The following SCIN variants were observed in gnomAD, a reference collection of about 807,000 sequenced individuals.
SCIN encodes adseverin.
SCIN carries 91 observed loss-of-function variants against 91.8 expected under a neutral mutation model. The observed-to-expected ratio is 0.99, with a 90% CI of 0.84 to 1.18. The LOEUF (loss-of-function observed/expected upper bound fraction) is 1.18. SCIN is among the 50% of genes most tolerant of loss of function. SCIN has a pLI of 0.00. For missense variants in SCIN, 1,087 were observed against 863.9 expected (o/e 1.26, Z -3.24); for synonymous variants, 367 against 312.6 (o/e 1.17, Z -1.84).
In SCIN at chr7:12,642,791, C is replaced by G. The variant is rs1443697608; in HGVS notation, c.1582-1347C>G. ...ACACTTACAATGGTTTCTTCCTAAT[C>G]TATCGGCCACTCCTCTCGGGCTAGT... On this transcript the variant is annotated intron_variant, in intron 11 of 15. Transcript: ENST00000297029. 3.3e-5 allele frequency among the ~76,000 whole-genome samples: 5 copies of G among 152,022 alleles called. 1 individual carries two copies. The South Asian group carries it at 1.0e-3, about 32-fold the overall frequency.
chr7:12,653,384 A>T lies in SCIN; in HGVS notation c.*669A>T, dbSNP rs1784120866. ...TCAGAGTTGTTTTTTAACATGCCAG[A>T]GAAAAAGTTGTAATGCCTTGGAAGT... On this transcript the variant is annotated 3_prime_UTR_variant, in exon 16 of 16. Coordinates refer to ENST00000297029, the MANE Select transcript of SCIN (RefSeq NM_001112706.3). The surrounding 1 kb of genome is among the most constrained non-coding windows in gnomAD (Gnocchi z 4.1). The T allele has an allele frequency of 6.6e-6, 1 of 152,166 alleles. No individual in the cohort carries two copies. Among genetic ancestry groups the T allele is most frequent in the Non-Finnish European group, 1.5e-5 (1 of 68,036 alleles). The allele number at this position is 152,166 out of a possible 1,614,324, so 9.4% of individuals were successfully genotyped here. A position where few individuals can be genotyped will look rare whatever the true frequency, so the allele number is the denominator to read the frequency against.
At chr7:12,627,649 G>A (rs550046140) in intron 8 of SCIN, among the ~76,000 whole-genome samples, 1 of 152,290 alleles carries the variant, frequency 6.6e-6, no homozygotes, top group African/African-American at 2.4e-5. Flanking sequence ...AAGCGGCATG[G>A]GTGTTGGAGA....
At chr7:12,641,305 G>C (rs1036565727) in intron 11 of SCIN, among the ~76,000 whole-genome samples, 2 of 152,034 alleles carry the variant, frequency 1.3e-5, no homozygotes, top group Non-Finnish European at 2.9e-5. Context: ...ATTTCTCTAC[G>C]ACTGTCCTCT....
chr7:12,596,523 TTCCTAGTGGTTGGGGGAGGGCCCTC>T, intron 3 of SCIN: 1 of 448,828 alleles, frequency 2.2e-6, no homozygotes, highest in Admixed American at 2.4e-5. Flanking sequence ...TCAACTGACA[TTCCTAGTGGTTGGGGGAGGGCCCTC>T]TCCTGCCCCA....
At chr7:12,625,911 C>G in intron 7 of SCIN, 61 bp downstream of exon 7, 1 of 1,217,366 alleles carries the variant, frequency 8.2e-7, no homozygotes. Flanking sequence ...ATGACATCTC[C>G]ACGAAACTCA....
In SCIN at chr7:12,634,103, C is replaced by T. The variant is rs534410584; in HGVS notation, c.1320-1942C>T. On this transcript the variant is annotated intron_variant, in intron 9 of 15. Transcript: ENST00000297029. ...GCGGAGGGGGGTGGGTATTGCCCAACGTGGCAGGTTATTTTAATCTGTTCC... is the reference window on the plus strand; with the variant it reads ...GCGGAGGGGGGTGGGTATTGCCCAATGTGGCAGGTTATTTTAATCTGTTCC... 2.8e-4 allele frequency among the ~76,000 whole-genome samples: 43 copies of T among 152,004 alleles called. 1 individual carries two copies. Among genetic ancestry groups the T allele is most frequent in the Admixed American group, 1.3e-4 (2 of 15,276 alleles).
Position 12,655,785 on chromosome 7 carries a change from G to A in SCIN, c.*3070G>A, listed in dbSNP as rs2115309622. 6.6e-6 allele frequency: 1 copy of A among 152,274 alleles called. No homozygotes were observed. The highest frequency in any genetic ancestry group is 2.1e-4 in the South Asian group (1 of 4,826). The allele number at this position is 152,274 out of a possible 1,614,324, so 9.4% of individuals were successfully genotyped here. ...ACACATTAGACTAGGTACATGTGGA[G>A]AAAGAGATACAGGTGTTCCCTAGCA... On this transcript the variant is annotated 3_prime_UTR_variant, in exon 16 of 16. Transcript: ENST00000297029.
chr7:12,632,785 A>G (rs972626367), intron 9 of SCIN, among the ~76,000 whole-genome samples: 12 of 152,146 alleles, frequency 7.9e-5, no homozygotes, highest in African/African-American at 1.7e-4. Flanking sequence ...AGAGAAAGAG[A>G]AGGCACCACA....
chr7:12,654,266 A>G lies in SCIN; in HGVS notation c.*1551A>G, dbSNP rs1045445757. On this transcript the variant is annotated 3_prime_UTR_variant, in exon 16 of 16. Coordinates refer to ENST00000297029, the MANE Select transcript of SCIN (RefSeq NM_001112706.3). ...CTGTCCCTTAGTATTGAATATCTCTATTTTCTTTTAATCATAGAATTCACT... is the reference window on the plus strand; with the variant it reads ...CTGTCCCTTAGTATTGAATATCTCTGTTTTCTTTTAATCATAGAATTCACT... 1.3e-5 allele frequency: 2 copies of G among 152,118 alleles called. No homozygotes were observed. The highest frequency in any genetic ancestry group is 4.8e-5 in the African/African-American group (2 of 41,428). The allele number at this position is 152,118 out of a possible 1,614,324, so 9.4% of individuals were successfully genotyped here. A position where few individuals can be genotyped will look rare whatever the true frequency, so the allele number is the denominator to read the frequency against.
intron 14 of SCIN, 59 bp downstream of exon 14, chr7:12,649,603 C>T: frequency 8.8e-7 from 1 of 1,139,670 alleles, no homozygotes; most frequent in East Asian, 2.5e-5. Context: ...GATGACAGAA[C>T]TTGATCTGAG....
chr7:12,623,689 T>A (rs1783456459), intron 5 of SCIN, among the ~76,000 whole-genome samples: 1 of 152,178 alleles, frequency 6.6e-6, no homozygotes, highest in Non-Finnish European at 1.5e-5. Flanking sequence ...AGTAGTTTTC[T>A]CATCTGTAAC....
At position 12,625,750 on chromosome 7, in the gene SCIN, C is replaced by T; in HGVS notation, c.893-12C>T. ...CTGAAGTTCTTTCTCTTTAATTTAC[C>T]TTGTATTTTAGGTAAAGATGCTAAT... On this transcript the variant is annotated splice_polypyrimidine_tract_variant and intron_variant, in intron 6 of 15. Transcript: ENST00000297029. The T allele has an allele frequency of 1.3e-6, 2 of 1,570,524 alleles. No individual in the cohort carries two copies. The highest frequency in any genetic ancestry group is 1.7e-5 in the Admixed American group (1 of 57,672).
At chr7:12,584,151 A>G (rs1418113116) in intron 3 of SCIN, among the ~76,000 whole-genome samples, 1 of 152,148 alleles carries the variant, frequency 6.6e-6, no homozygotes, top group Non-Finnish European at 1.5e-5. Context: ...TACCTTGGCA[A>G]CTTTATTTTG....
At chr7:12,652,513 A>C in intron 15 of SCIN, 75 bp from the exon 16 acceptor site, 1 of 1,354,670 alleles carries the variant, frequency 7.4e-7, no homozygotes, top group African/African-American at 1.5e-5. Context: ...CTTTTATTCG[A>C]AGAATTTTCA....
chr7:12,611,978 C>CA (rs1783201932), intron 4 of SCIN, among the ~76,000 whole-genome samples: 1 of 151,552 alleles, frequency 6.6e-6, no homozygotes, highest in African/African-American at 2.4e-5. Flanking sequence ...AATACCCACA[C>CA]AAAAAATAAG....
At chr7:12,572,772 A>G (rs1486242848) in intron 1 of SCIN, among the ~76,000 whole-genome samples, 1 of 152,230 alleles carries the variant, frequency 6.6e-6, no homozygotes, top group Non-Finnish European at 1.5e-5. Context: ...TCTTAAAGAC[A>G]TGCTAAAACT....
rs1016742238 is a variant in SCIN, at chr7:12,656,818, G to C, written c.*4103G>C. The C allele has an allele frequency of 1.3e-5, 2 of 152,192 alleles. No individual in the cohort carries two copies. The highest frequency in any genetic ancestry group is 4.8e-5 in the African/African-American group (2 of 41,390). The allele number at this position is 152,192 out of a possible 1,614,324, so 9.4% of individuals were successfully genotyped here. On this transcript the variant is annotated 3_prime_UTR_variant, in exon 16 of 16. Transcript: ENST00000297029. The stretch of plus-strand genomic sequence containing the variant: ...GGCGCCTGTAATCCTAGCTACTCGG[G>C]AGGCTGAGGCAGGAGAATCGCTTGA...
chr7:12,625,746 T>C lies in SCIN; in HGVS notation c.893-16T>C. On this transcript the variant is annotated splice_polypyrimidine_tract_variant and intron_variant, in intron 6 of 15. Transcript: ENST00000297029. ...TTCTCTGAAGTTCTTTCTCTTTAAT[T>C]TACCTTGTATTTTAGGTAAAGATGC... The C allele has an allele frequency of 1.3e-6, 2 of 1,557,454 alleles. No individual in the cohort carries two copies. The highest frequency in any genetic ancestry group is 8.8e-7 in the Non-Finnish European group (1 of 1,135,626).
chr7:12,621,909 A>G (rs1006231089), intron 4 of SCIN, among the ~76,000 whole-genome samples: 1 of 151,870 alleles, frequency 6.6e-6, no homozygotes, highest in African/African-American at 2.4e-5. Flanking sequence ...AATAGCGAAT[A>G]TAAAACACAT....
Sources: allele counts gnomAD v4.1 joint callset (sites outside exome capture counted in the v4.1 genomes callset), GRCh38; gene constraint gnomAD v4.1.1; non-coding constraint Gnocchi (gnomAD v3.1); transcripts MANE v1.5; gene names NCBI Gene and HGNC (gene_info 2026-07-23, HGNC 2026-07-21).